ST14: variants seen among roughly 807,000 people sequenced by gnomAD.
ST14 encodes the protein ST14 transmembrane serine protease matriptase.
ST14 carries 40 observed loss-of-function variants against 96.5 expected under a neutral mutation model. The ratio of observed to expected loss-of-function variants is 0.41; its 90% CI spans 0.32 to 0.54. The LOEUF is 0.54. ST14 is among the 20% of genes least tolerant of loss of function. The pLI is 0.17. For missense variants in ST14, 1,066 were observed against 1,188.9 expected, an observed-to-expected ratio of 0.90 and a Z score of 1.52; for synonymous variants, 506 against 492.1, an observed-to-expected ratio of 1.03 and a Z score of -0.37.
At chr11:130,191,152 A>G (rs1293309080) in intron 7 of ST14, among the ~76,000 whole-genome samples, 1 of 151,892 alleles carries the variant, frequency 6.6e-6, no homozygotes, top group African/African-American at 2.4e-5. Context: ...GGAGTTTGAG[A>G]CTAGCCTGGG....
rs756111990 is a variant in ST14 at position 130,190,096 on chromosome 11, T to C, written c.599-17T>C. 12 of 1,614,032 alleles carry C rather than the reference T, an allele frequency of 7.4e-6. No individual in the cohort carries two copies. The highest frequency in any genetic ancestry group is 1.0e-5 in the Non-Finnish European group (12 of 1,180,016). ...GATTGTATCAGGAAATGCTTTATTC[T>C]CCTTCTTATTCTTCAGCCACGGACT... is the stretch of plus-strand genomic sequence containing the variant. On this transcript the variant is annotated splice_polypyrimidine_tract_variant and intron_variant, in intron 5 of 18. Coordinates refer to ENST00000278742, the MANE Select transcript of ST14 (RefSeq NM_021978.4).
chr11:130,180,557 G>A (rs1953182718), intron 1 of ST14, among the ~76,000 whole-genome samples: 1 of 152,160 alleles, frequency 6.6e-6, no homozygotes, highest in South Asian at 2.1e-4. Flanking sequence ...GCAAATTCTG[G>A]CTTTGGACTT....
intron 1 of ST14, among the ~76,000 whole-genome samples, chr11:130,168,603 C>A (rs1028245827): frequency 6.6e-6 from 1 of 152,100 alleles, no homozygotes; most frequent in East Asian, 1.9e-4. Context: ...AGGATGGTCT[C>A]GCGAGGATGA....
At chr11:130,208,215 G>T (rs565440672) in intron 16 of ST14, among the ~76,000 whole-genome samples, 195 bp from the exon 17 acceptor site, 3 of 152,368 alleles carry the variant, frequency 2.0e-5, no homozygotes, top group East Asian at 1.9e-4. Context: ...GTTCAAGAGG[G>T]ATTTCATACT....
At chr11:130,176,384 T>TTTTTC (rs1953138754) in intron 1 of ST14, among the ~76,000 whole-genome samples, 2 of 151,502 alleles carry the variant, frequency 1.3e-5, no homozygotes, top group Admixed American at 1.3e-4. Context: ...TTTTTTTTTC[T>TTTTTC]TTTTCTTTTC....
intron 16 of ST14, among the ~76,000 whole-genome samples, chr11:130,208,073 C>CAATAAATA (rs35033213): frequency 6.6e-6 from 1 of 151,690 alleles, no homozygotes; most frequent in East Asian, 1.9e-4. Context: ...GACTCAGTCT[C>CAATAAATA]AATAAATAAA....
Sources: allele counts gnomAD v4.1 joint callset (sites outside exome capture counted in the v4.1 genomes callset), GRCh38; gene constraint gnomAD v4.1.1; transcripts MANE v1.5; gene names NCBI Gene and HGNC (gene_info 2026-07-23, HGNC 2026-07-21).